Variants in GPR158 observed in about 807,000 individuals in gnomAD.
GPR158 encodes G protein-coupled receptor 158, also known as metabotropic glycine receptor.
A neutral mutation model predicts 78.2 loss-of-function variants in GPR158; 30 were observed. The ratio of observed to expected loss-of-function variants is 0.38; its 90% CI spans 0.29 to 0.52. The LOEUF is 0.52. Ranked by LOEUF, GPR158 falls within the 20% of genes least tolerant of loss-of-function variation. GPR158 has a pLI of 0.83. For missense variants in GPR158, 1,463 were observed against 1,523.5 expected (o/e 0.96, Z 0.66); for synonymous variants, 581 against 591.1 (o/e 0.98, Z 0.25).
At chr10:25,455,760 T>C (rs1320257373) in intron 4 of GPR158, among the ~76,000 whole-genome samples, 1 of 152,204 alleles carries the variant, frequency 6.6e-6, no homozygotes, top group African/African-American at 2.4e-5. Context: ...AATAATTCGC[T>C]GATAAGCATA....
chr10:25,360,936 G>A (rs193283958), intron 2 of GPR158, among the ~76,000 whole-genome samples: 24 of 151,804 alleles, frequency 1.6e-4, no homozygotes, highest in East Asian at 5.9e-4. Context: ...CTCTTATTTC[G>A]TTGAGCAGTA....
chr10:25,533,149 G>C (rs1836448454), intron 5 of GPR158, among the ~76,000 whole-genome samples: 1 of 152,034 alleles, frequency 6.6e-6, no homozygotes, highest in Admixed American at 6.6e-5. Context: ...GTTTATGTAG[G>C]GCAGTTTTCT....
intron 5 of GPR158, among the ~76,000 whole-genome samples, chr10:25,506,909 AC>A (rs879505102): frequency 7.9e-5 from 12 of 152,232 alleles, no homozygotes; most frequent in Non-Finnish European, 1.8e-4. Flanking sequence ...TTGAGGGTCA[AC>A]CTCACAAAGG....
At chr10:25,550,903 G>C (rs1836717547) in intron 5 of GPR158, 73 bp from the exon 6 acceptor site, 1 of 788,572 alleles carries the variant, frequency 1.3e-6, no homozygotes, top group Admixed American at 1.7e-5. Context: ...GAAACATCAG[G>C]TTATGAGATA....
chr10:25,406,193 C>T (rs1834513205), intron 3 of GPR158, among the ~76,000 whole-genome samples: 1 of 152,156 alleles, frequency 6.6e-6, no homozygotes, highest in African/African-American at 2.4e-5. Context: ...TCTAAGCTTG[C>T]TCAGCCCTTG....
intron 4 of GPR158, among the ~76,000 whole-genome samples, chr10:25,446,010 T>G (rs1207329365): frequency 2.6e-5 from 4 of 150,972 alleles, no homozygotes; most frequent in African/African-American, 4.9e-5. Flanking sequence ...TATGAGGGAG[T>G]GGTAACTGAT....
intron 10 of GPR158, among the ~76,000 whole-genome samples, chr10:25,597,479 G>T (rs1265486922): frequency 6.6e-6 from 1 of 152,126 alleles, no homozygotes; most frequent in African/African-American, 2.4e-5. Flanking sequence ...AAACACAAAA[G>T]AATCAGAAAA....
chr10:25,241,809 A>G (rs1853632872), intron 2 of GPR158, among the ~76,000 whole-genome samples: 1 of 152,192 alleles, frequency 6.6e-6, no homozygotes, highest in African/African-American at 2.4e-5. Flanking sequence ...CTTAAGGTAT[A>G]CAACTAACTT....
At chr10:25,521,387 C>A (rs973769363) in intron 5 of GPR158, among the ~76,000 whole-genome samples, 4 of 152,174 alleles carry the variant, frequency 2.6e-5, no homozygotes, top group African/African-American at 9.7e-5. Flanking sequence ...CTTGGCTCCT[C>A]CCTCCTCTAT....
chr10:25,356,323 TG>T (rs1855550807), intron 2 of GPR158, among the ~76,000 whole-genome samples: 1 of 152,150 alleles, frequency 6.6e-6, no homozygotes, highest in African/African-American at 2.4e-5. Flanking sequence ...TTTTGATTGT[TG>T]GGGGGCATTG....
chr10:25,366,665 A>G (rs1218777505), intron 2 of GPR158, among the ~76,000 whole-genome samples: 1 of 151,642 alleles, frequency 6.6e-6, no homozygotes, highest in African/African-American at 2.4e-5. Context: ...GGATCTCCTG[A>G]ACTTATTCCT....
chr10:25,220,461 G>C (rs1588742052), intron 1 of GPR158, among the ~76,000 whole-genome samples: 1 of 152,100 alleles, frequency 6.6e-6, no homozygotes, highest in African/African-American at 2.4e-5. Context: ...CAGTCTCTTC[G>C]TTTCCAGATT....
intron 2 of GPR158, among the ~76,000 whole-genome samples, chr10:25,290,319 T>G (rs1479874087): frequency 6.6e-6 from 1 of 152,222 alleles, no homozygotes; most frequent in East Asian, 1.9e-4. Flanking sequence ...TAATGCCGTT[T>G]GTAATAAACT....
At chr10:25,324,382 C>T (rs555400964) in intron 2 of GPR158, among the ~76,000 whole-genome samples, 2 of 152,192 alleles carry the variant, frequency 1.3e-5, no homozygotes, top group Non-Finnish European at 1.5e-5. Context: ...AATAGAGAGG[C>T]CCCAGGAGTG....
In GPR158 at chr10:25,509,903, G is replaced by A. The variant is rs370018004; in HGVS notation, c.1405-41073G>A. Among the ~76,000 whole-genome samples the A allele has an allele frequency of 9.5e-4, 145 of 152,142 alleles. 2 individuals are homozygous for A. In the South Asian group the frequency reaches 0.023, roughly 24 times the overall value. ...TAATTTTTGTATTTTTAGTTGAGAC[G>A]GGGTTTCACCATGTTGGCCAGGCTG... On this transcript the variant is annotated intron_variant, in intron 5 of 10. Transcript: ENST00000376351.
chr10:25,264,443 A>G (rs976898427), intron 2 of GPR158, among the ~76,000 whole-genome samples: 1 of 152,200 alleles, frequency 6.6e-6, no homozygotes, highest in Non-Finnish European at 1.5e-5. Context: ...TCCCAGCTGA[A>G]ATGCAAAATA....
chr10:25,339,147 G>A (rs1262023623), intron 2 of GPR158, among the ~76,000 whole-genome samples: 4 of 151,290 alleles, frequency 2.6e-5, no homozygotes, highest in Non-Finnish European at 4.4e-5. Context: ...ACCATGCCTG[G>A]CCAGCTTTAA....
At chr10:25,553,075 AT>A (rs1836747375) in intron 6 of GPR158, among the ~76,000 whole-genome samples, 1 of 152,030 alleles carries the variant, frequency 6.6e-6, no homozygotes, top group African/African-American at 2.4e-5. Context: ...CATTGCATTT[AT>A]TTTTTTAGTT....
At chr10:25,208,443 TAAAC>T (rs1051258553) in intron 1 of GPR158, among the ~76,000 whole-genome samples, 3 of 152,200 alleles carry the variant, frequency 2.0e-5, no homozygotes, top group African/African-American at 7.2e-5. Context: ...TGTAAAAGAA[TAAAC>T]AAAATTTGCA....
Sources: allele counts gnomAD v4.1 joint callset (sites outside exome capture counted in the v4.1 genomes callset), GRCh38; gene constraint gnomAD v4.1.1; transcripts MANE v1.5; gene names NCBI Gene and HGNC (gene_info 2026-07-23, HGNC 2026-07-21).